The following ZP4 variants were observed in gnomAD, a reference collection of about 807,000 sequenced individuals.
ZP4 encodes zona pellucida glycoprotein 4, also known as zona pellucida sperm-binding protein 4.
Under a neutral mutation model 62.3 loss-of-function variants are expected in ZP4, and 62 were observed. The observed-to-expected ratio is 0.99, with a 90% CI of 0.81 to 1.23. The LOEUF is 1.23. Ranked by LOEUF, ZP4 falls within the 50% of genes most tolerant of loss-of-function variation. The pLI is 0.00. For missense variants in ZP4, 774 were observed against 656.0 expected (o/e 1.18, Z -1.97); for synonymous variants, 289 against 247.3 (o/e 1.17, Z -1.58).
chr1:237,889,315 ATTTTTT>A (rs11348205), intron 3 of ZP4, among the ~76,000 whole-genome samples: 1 of 125,756 alleles, frequency 8.0e-6, no homozygotes, highest in Non-Finnish European at 1.7e-5. Context: ...GATAGGTTGT[ATTTTTT>A]TTTTTTTTTT....
chr1:237,884,149 T>G (rs147463835), intron 10 of ZP4, among the ~76,000 whole-genome samples: 1 of 152,284 alleles, frequency 6.6e-6, no homozygotes, highest in Non-Finnish European at 1.5e-5. Flanking sequence ...GACCTCAATC[T>G]AAGATGGTTC....
Position 237,884,829 on chromosome 1 carries a change from C to T in ZP4, c.1330G>A (p.Val444Met), listed in dbSNP as rs781377450. Reference sequence around the variant, plus strand: ...GTCTCAGCAGGCTGGCAGACTGACACGCTGCAGTGCAGATGCACCTGGGAG... The same window carrying T: ...GTCTCAGCAGGCTGGCAGACTGACATGCTGCAGTGCAGATGCACCTGGGAG... ...LRGPVHLHCS[V>M]SVCQPAETPS... Residue 444 changes from valine to methionine, a missense_variant, in exon 10 of 12, where the codon GTG becomes ATG. Val to Met is a conservative substitution (Grantham distance 21). Coordinates refer to ENST00000366570, the MANE Select transcript of ZP4 (RefSeq NM_021186.5). 106 of 1,613,500 alleles carry T rather than the reference C, an allele frequency of 6.6e-5. No homozygotes were observed. The highest frequency in any genetic ancestry group is 4.5e-4 in the Admixed American group (27 of 59,946).
Position 237,890,145 on chromosome 1 carries a change from A to C in ZP4, c.207T>G (p.Asn69Lys), listed in dbSNP as rs1476867905. ...DNQGLLHELQ[N>K]DSDCGTWIRK... ...TTATCCAGGTGCCACAGTCGGAGTC[A>C]TTCTGCAGCTCGTGCAGCAGCCCTT... The change falls in exon 2 of 12, where the codon AAT becomes AAG. Residue 69 changes from asparagine to lysine, a missense_variant. Asn to Lys is a moderately conservative substitution (Grantham distance 94, BLOSUM62 0). Coordinates refer to ENST00000366570, the MANE Select transcript of ZP4 (RefSeq NM_021186.5). The C allele has an allele frequency of 6.2e-7, 1 of 1,614,102 alleles. No individual in the cohort carries two copies. The highest frequency in any genetic ancestry group is 8.5e-7 in the Non-Finnish European group (1 of 1,180,022).
intron 10 of ZP4, among the ~76,000 whole-genome samples, chr1:237,883,753 G>GAGAGAGGAAGAGAGAGGAAGAGAGAGGA (rs1558530236): frequency 6.7e-5 from 4 of 59,472 alleles, no homozygotes; most frequent in Admixed American, 3.7e-4. Context: ...GAGAGAGAGG[G>GAGAGAGGAAGAGAGAGGAAGAGAGAGGA]AGAGAGAGGG....
chr1:237,890,135 A>G lies in ZP4; in HGVS notation c.217T>C (p.Cys73Arg). Residue 73 changes from cysteine (C) to arginine (R), a missense_variant, in exon 2 of 12, where the codon TGT (cysteine) becomes CGT (arginine). Physicochemically the swap from Cys to Arg is radical, Grantham distance 180 (BLOSUM62 -3). Transcript: ENST00000366570. ...GGACCTTTTCTTATCCAGGTGCCAC[A>G]GTCGGAGTCATTCTGCAGCTCGTGC... is the stretch of plus-strand genomic sequence containing the variant. Reference protein sequence around the residue: ...LLHELQNDSDCGTWIRKGPGS... With the variant: ...LLHELQNDSDRGTWIRKGPGS... 6.2e-7 allele frequency: 1 copy of G among 1,614,164 alleles called. No individual in the cohort carries two copies.
chr1:237,889,876 C>A lies in ZP4; in HGVS notation c.391G>T (p.Asp131Tyr), dbSNP rs778764704. 6.8e-7 allele frequency: 1 copy of A among 1,468,140 alleles called. No individual in the cohort carries two copies. The highest frequency in any genetic ancestry group is 9.3e-7 in the Non-Finnish European group (1 of 1,070,112). The allele number at this position is 1,468,140 out of a possible 1,614,324, so 90.9% of individuals were successfully genotyped here. The change falls in exon 3 of 12, where the codon GAT (aspartate) becomes TAT (tyrosine). Residue 131 changes from aspartate (D) to tyrosine (Y), a missense_variant. Transcript: ENST00000366570. ...AGCTTCCAGCCTTTACCTAGAAGAT[C>A]CATAGGACACTTGAGCAGCTTCCTC... ...TERKLLKCPM[D>Y]LLARDAPDTD...
chr1:237,890,755 T>C lies in ZP4; in HGVS notation c.-120A>G. On this transcript the variant is annotated 5_prime_UTR_variant, in exon 1 of 12. Coordinates refer to ENST00000366570, the MANE Select transcript of ZP4 (RefSeq NM_021186.5). The stretch of plus-strand genomic sequence containing the variant: ...CAGGCTTGTTTTCAGCTGCACATCT[T>C]TGTGACACTCAGGTGGGATGCCTTC... 8.5e-7 allele frequency: 1 copy of C among 1,170,176 alleles called. No homozygotes were observed. Among genetic ancestry groups the C allele is most frequent in the Non-Finnish European group, 1.2e-6 (1 of 845,502 alleles). 72.5% of individuals were successfully genotyped at this position (1,170,176 alleles called of 1,614,324 possible).
In ZP4 at chr1:237,890,535, C is replaced by T. The variant is rs368627164; in HGVS notation, c.101G>A (p.Cys34Tyr). The T allele has an allele frequency of 2.5e-6, 4 of 1,614,122 alleles. No individual in the cohort carries two copies. The highest frequency in any genetic ancestry group is 3.4e-6 in the Non-Finnish European group (4 of 1,180,032). The change falls in exon 1 of 12, where the codon TGT becomes TAT. Residue 34 changes from cysteine to tyrosine, a missense_variant. Cys to Tyr is a radical substitution (Grantham distance 194). Transcript: ENST00000366570. ...AGCAAACTGGAAGCTCCACGGCCCA[C>T]AGTGGAGCACACTGGAATAATCTGG... ...EAPDYSSVLH[C>Y]GPWSFQFAVN...
At chr1:237,884,415 C>T (rs1558531556) in intron 10 of ZP4, among the ~76,000 whole-genome samples, 1 of 152,166 alleles carries the variant, frequency 6.6e-6, no homozygotes, top group African/African-American at 2.4e-5. Context: ...ACTTATAGAT[C>T]TTTAGGCTGC....
Position 237,890,822 on chromosome 1 carries a change from G to A in ZP4, c.-187C>T, listed in dbSNP as rs1571936998. The A allele has an allele frequency of 2.0e-5, 11 of 553,892 alleles. No homozygotes were observed. In the East Asian group the frequency reaches 3.4e-4, roughly 17 times the overall value. 34.3% of individuals were successfully genotyped at this position (553,892 alleles called of 1,614,324 possible). A position where few individuals can be genotyped will look rare whatever the true frequency, so the allele number is the denominator to read the frequency against. ...CTAGCCTCATTTGCTTTGGGGCACA[G>A]TCTGCAGCTGCCTCACATTAAATAC... On this transcript the variant is annotated 5_prime_UTR_variant, in exon 1 of 12. Transcript: ENST00000366570.
In ZP4 at chr1:237,887,463, T is replaced by A. The variant is rs914672196; in HGVS notation, c.652A>T (p.Arg218Trp). The A allele has an allele frequency of 5.0e-6, 8 of 1,614,068 alleles. No homozygotes were observed. The highest frequency in any genetic ancestry group is 6.8e-6 in the Non-Finnish European group (8 of 1,180,042). ...ACAGGGTTACACGCACTGTCATTCC[T>A]AAGGGCCAAGCGCACAGAATCCAAG... ...LLLDSVRLAL[R>W]NDSACNPVMA... Residue 218 changes from arginine to tryptophan, a missense_variant, in exon 5 of 12, where the codon AGG (arginine) becomes TGG (tryptophan). Coordinates refer to ENST00000366570, the MANE Select transcript of ZP4 (RefSeq NM_021186.5).
In ZP4 at chr1:237,885,274, G is replaced by A. The variant is rs764410123; in HGVS notation, c.1202C>T (p.Pro401Leu). The part of the protein sequence containing the change: ...IGDNYQTQLI[P>L]VQKALDLPFP... ...TGGAAGATCCAAGGCTTTCTGGACA[G>A]GGATCAGCTGGGTCTGATAGTTGTC... Residue 401 changes from proline to leucine, a missense_variant, in exon 9 of 12, where the codon CCT (proline) becomes CTT (leucine). Physicochemically the swap from Pro to Leu is moderately conservative, Grantham distance 98. Transcript: ENST00000366570. 6.2e-7 allele frequency: 1 copy of A among 1,614,174 alleles called. No individual in the cohort carries two copies. The highest frequency in any genetic ancestry group is 8.5e-7 in the Non-Finnish European group (1 of 1,180,030).
intron 5 of ZP4, 110 bp from the exon 6 acceptor site, chr1:237,886,978 T>A (rs986852993): frequency 3.0e-5 from 28 of 934,144 alleles, no homozygotes; most frequent in Non-Finnish European, 4.0e-5. Context: ...GTATATTTCC[T>A]ATTACTTCAG....
Position 237,886,856 on chromosome 1 carries a change from G to A in ZP4, c.754C>T (p.Arg252Ter), listed in dbSNP as rs34146449. ...ACCAGTTCATTTTCATATACTGCTCGGTCTCCAGTGATCTACAGGAATAGA... is the reference window on the plus strand; with the variant it reads ...ACCAGTTCATTTTCATATACTGCTCAGTCTCCAGTGATCTACAGGAATAGA... The part of the protein sequence containing the change: ...CGTTRQITGD[R>*]AVYENELVAT... Residue 252 changes from arginine (R) to a stop codon, truncating the protein, a stop_gained, in exon 6 of 12, where the codon CGA becomes TGA. Coordinates refer to ENST00000366570, the MANE Select transcript of ZP4 (RefSeq NM_021186.5). LOFTEE classifies it high-confidence loss of function. The A allele has an allele frequency of 2.3e-4, 369 of 1,613,600 alleles. 2 individuals are homozygous for A. The African/African-American group carries it at 4.0e-3, about 18-fold the overall frequency.
intron 6 of ZP4, 147 bp from the exon 7 acceptor site, chr1:237,886,033 T>A: frequency 9.1e-7 from 1 of 1,103,038 alleles, no homozygotes; most frequent in Non-Finnish European, 1.3e-6. Flanking sequence ...GGAGCTGTAT[T>A]TTAGTTGGGG....
intron 9 of ZP4, 117 bp from the exon 10 acceptor site, chr1:237,884,964 G>C: frequency 7.9e-7 from 1 of 1,261,366 alleles, no homozygotes. Context: ...TATGGTCCAA[G>C]TTGATATCAC....
At chr1:237,884,965 T>C (rs1665060717) in intron 9 of ZP4, 118 bp from the exon 10 acceptor site, 6 of 1,252,070 alleles carry the variant, frequency 4.8e-6, no homozygotes, top group Non-Finnish European at 5.6e-6. Flanking sequence ...ATGGTCCAAG[T>C]TGATATCACA....
At position 237,888,399 on chromosome 1, in the gene ZP4, T is replaced by A; in HGVS notation, c.512A>T (p.Tyr171Phe). 6.2e-7 allele frequency: 1 copy of A among 1,606,812 alleles called. No homozygotes were observed. The highest frequency in any genetic ancestry group is 8.5e-7 in the Non-Finnish European group (1 of 1,174,778). Residue 171 changes from tyrosine (Y) to phenylalanine (F), a missense_variant, in exon 4 of 12, where the codon TAT becomes TTT. Transcript: ENST00000366570. ...RGDCEGLGCC[Y>F]SSEEVNSCYY... Reference sequence around the variant, plus strand: ...GCAGGAATTCACCTCTTCAGAGCTATAACAACAGCCTAGCCCTTCACAGTC... The same window carrying A: ...GCAGGAATTCACCTCTTCAGAGCTAAAACAACAGCCTAGCCCTTCACAGTC...
rs757369181 is a variant in ZP4 at position 237,890,677 on chromosome 1, C to T, written c.-42G>A. On this transcript the variant is annotated 5_prime_UTR_variant, in exon 1 of 12. Coordinates refer to ENST00000366570, the MANE Select transcript of ZP4 (RefSeq NM_021186.5). ...CCTGCCGGCTGCAGACTCTCCGCCT[C>T]CTCTCCCAAGAGCCGAGGGTCTGCC... 2 of 1,589,752 alleles carry T rather than the reference C, an allele frequency of 1.3e-6. No individual in the cohort carries two copies. Among genetic ancestry groups the T allele is most frequent in the East Asian group, 4.5e-5 (2 of 44,602 alleles).
Sources: allele counts gnomAD v4.1 joint callset (sites outside exome capture counted in the v4.1 genomes callset), GRCh38; gene constraint gnomAD v4.1.1; transcripts MANE v1.5; gene names NCBI Gene and HGNC (gene_info 2026-07-23, HGNC 2026-07-21).